Variants in CDK19 observed in about 807,000 individuals in gnomAD.
The protein encoded by CDK19 is cyclin dependent kinase 19.
Under a neutral mutation model 68.3 loss-of-function variants are expected in CDK19, and 20 were observed. The observed-to-expected ratio is 0.29, with a 90% CI of 0.21 to 0.43. The LOEUF (loss-of-function observed/expected upper bound fraction) is 0.43, where lower values mean the gene tolerates loss of function less well. Ranked by LOEUF, CDK19 falls within the 20% of genes least tolerant of loss-of-function variation. The pLI is 1.00. For synonymous variants in CDK19, 221 were observed against 222.8 expected (o/e 0.99, Z 0.07); for missense variants, 339 against 623.5 (o/e 0.54, Z 4.86).
At chr6:110,795,919 G>A (rs1222053031) in intron 1 of CDK19, among the ~76,000 whole-genome samples, 3 of 152,106 alleles carry the variant, frequency 2.0e-5, no homozygotes, top group Non-Finnish European at 4.4e-5. Context: ...AGAACCCTTA[G>A]TATCTTAGTA....
chr6:110,794,948 A>C lies in CDK19; in HGVS notation c.128+20061T>G, dbSNP rs942946362. On this transcript the variant is annotated intron_variant, in intron 1 of 12. Transcript: ENST00000368911. ...GATGACAAGATTAGATAAATATAAA[A>C]TATTCCAAGGAAAACTTGCTGCTGT... Among the ~76,000 whole-genome samples, 11 of 152,232 alleles carry C rather than the reference A, an allele frequency of 7.2e-5. No individual in the cohort carries two copies. The East Asian group carries it at 2.1e-3, about 29-fold the overall frequency.
chr6:110,677,615 T>C (rs984763681), intron 2 of CDK19, among the ~76,000 whole-genome samples: 125 of 150,848 alleles, frequency 8.3e-4, no homozygotes, highest in African/African-American at 2.9e-3. Flanking sequence ...AGTGTCACCA[T>C]TGAGGTTCTC....
Position 110,613,990 on chromosome 6 carries a change from G to GT in CDK19, c.*544dup, listed in dbSNP as rs1225426396. 6.6e-6 allele frequency: 1 copy of GT among 152,572 alleles called. No homozygotes were observed. The highest frequency in any genetic ancestry group is 1.5e-5 in the Non-Finnish European group (1 of 68,032). 9.5% of individuals were successfully genotyped at this position (152,572 alleles called of 1,614,324 possible). ...TCCCTGAAACTAGATAAATACGAAC[G>GT]TAATAGTAAAGTACTTTGGGACAGT... is the stretch of plus-strand genomic sequence containing the variant. On this transcript the variant is annotated 3_prime_UTR_variant, in exon 13 of 13. Coordinates refer to ENST00000368911, the MANE Select transcript of CDK19 (RefSeq NM_015076.5).
At chr6:110,805,231 T>C (rs1459038658) in intron 1 of CDK19, among the ~76,000 whole-genome samples, 1 of 152,232 alleles carries the variant, frequency 6.6e-6, no homozygotes, top group Non-Finnish European at 1.5e-5. Flanking sequence ...TTTATGGTTC[T>C]AGATACTACT....
At chr6:110,777,752 T>C (rs1348668214) in intron 1 of CDK19, among the ~76,000 whole-genome samples, 1 of 152,220 alleles carries the variant, frequency 6.6e-6, no homozygotes, top group Non-Finnish European at 1.5e-5. Flanking sequence ...CAAGCTTCCC[T>C]TAACGGATGA....
chr6:110,679,270 C>T (rs1220766651), intron 2 of CDK19, among the ~76,000 whole-genome samples: 4 of 151,666 alleles, frequency 2.6e-5, no homozygotes, highest in South Asian at 2.1e-4. Flanking sequence ...GAGTTATGAT[C>T]GTACCACTGC....
At position 110,621,255 on chromosome 6, in the gene CDK19, G is replaced by A. The variant is rs1272012303; in HGVS notation, c.1226C>T (p.Ala409Val). The A allele has an allele frequency of 1.2e-6, 2 of 1,613,078 alleles. No individual in the cohort carries two copies. The highest frequency in any genetic ancestry group is 1.3e-5 in the African/African-American group (1 of 74,908). Residue 409 changes from alanine (A) to valine (V), a missense_variant, in exon 12 of 13, where the codon GCA becomes GTA. Ala to Val is a moderately conservative substitution (Grantham distance 64). Coordinates refer to ENST00000368911, the MANE Select transcript of CDK19 (RefSeq NM_015076.5). The surrounding 1 kb of genome is among the most constrained non-coding windows in gnomAD (Gnocchi z 5.4). ...CCCGACCCCGGCCCCAGCCCCACCT[G>A]CGGTCCCGTTGGTCTGGGTGCTGTT... ...QQNSTQTNGT[A>V]GGAGAGVGGT...
chr6:110,645,638 C>T (rs767995427), intron 4 of CDK19: 5 of 307,250 alleles, frequency 1.6e-5, no homozygotes, highest in Middle Eastern at 1.1e-3. Context: ...CAGGGACTCA[C>T]GAGCCGGAGC....
chr6:110,667,132 A>G (rs957113255), intron 4 of CDK19, among the ~76,000 whole-genome samples: 1 of 152,188 alleles, frequency 6.6e-6, no homozygotes, highest in Non-Finnish European at 1.5e-5. Context: ...AACAAATTGG[A>G]TTGAAATGTG....
chr6:110,728,010 G>T (rs1776455451), intron 2 of CDK19, among the ~76,000 whole-genome samples: 1 of 151,532 alleles, frequency 6.6e-6, no homozygotes, highest in Non-Finnish European at 1.5e-5. Context: ...AATGAGAAAG[G>T]CCAGGCATGG....
At chr6:110,794,354 C>G (rs1781791237) in intron 1 of CDK19, among the ~76,000 whole-genome samples, 1 of 147,782 alleles carries the variant, frequency 6.8e-6, no homozygotes, top group Non-Finnish European at 1.5e-5. Context: ...CTGTTCTTCC[C>G]AGTGTTAAAT....
chr6:110,647,845 C>G (rs1431883332), intron 4 of CDK19, among the ~76,000 whole-genome samples: 1 of 152,024 alleles, frequency 6.6e-6, no homozygotes, highest in African/African-American at 2.4e-5. Flanking sequence ...AAACTTCAGG[C>G]CAACCTTACT....
At chr6:110,784,020 A>G (rs1781015424) in intron 1 of CDK19, among the ~76,000 whole-genome samples, 1 of 151,886 alleles carries the variant, frequency 6.6e-6, no homozygotes, top group Non-Finnish European at 1.5e-5. Context: ...ATTAGCCGGC[A>G]TGATGGTGCA....
chr6:110,678,508 C>T (rs77420449), intron 2 of CDK19, among the ~76,000 whole-genome samples: 7,216 of 152,244 alleles, frequency 0.047, 176 homozygotes, highest in Middle Eastern at 0.078. Flanking sequence ...TCTACTTTAA[C>T]TCTTTTCCCA....
At chr6:110,789,060 A>G (rs1443489872) in intron 1 of CDK19, among the ~76,000 whole-genome samples, 2 of 152,212 alleles carry the variant, frequency 1.3e-5, no homozygotes, top group Non-Finnish European at 2.9e-5. Context: ...GATTAGCATC[A>G]CATAGCATTT....
At chr6:110,763,761 A>G (rs1368292937) in intron 1 of CDK19, among the ~76,000 whole-genome samples, 3 of 152,200 alleles carry the variant, frequency 2.0e-5, no homozygotes, top group South Asian at 4.1e-4. Flanking sequence ...CTTAGCTAAT[A>G]TAAGACAAGA....
intron 1 of CDK19, among the ~76,000 whole-genome samples, chr6:110,772,668 G>C (rs562397765): frequency 1.2e-4 from 18 of 152,278 alleles, no homozygotes; most frequent in African/African-American, 4.3e-4. Flanking sequence ...CAAGGCAGGA[G>C]GGTTGTTTGA....
At chr6:110,646,607 G>A in intron 4 of CDK19, 2 of 646,194 alleles carry the variant, frequency 3.1e-6, no homozygotes, top group Non-Finnish European at 4.7e-6. Flanking sequence ...GAGGGGGCGG[G>A]GAGGGGGGAT....
intron 1 of CDK19, among the ~76,000 whole-genome samples, chr6:110,778,862 A>T (rs186024781): frequency 9.9e-5 from 15 of 152,276 alleles, no homozygotes; most frequent in African/African-American, 2.6e-4. Context: ...CTGTAGTTCA[A>T]ATATGGTGGA....
Sources: allele counts gnomAD v4.1 joint callset (sites outside exome capture counted in the v4.1 genomes callset), GRCh38; gene constraint gnomAD v4.1.1; non-coding constraint Gnocchi (gnomAD v3.1); transcripts MANE v1.5; gene names NCBI Gene and HGNC (gene_info 2026-07-23, HGNC 2026-07-21).